Variants in CHD2 observed in about 807,000 individuals in gnomAD.
CHD2 encodes ATP-dependent chromatin remodeler CHD2.
CHD2 carries 28 observed loss-of-function variants against 243.9 expected under a neutral mutation model. The observed-to-expected ratio is 0.11, with a 90% CI of 0.09 to 0.16. The LOEUF (loss-of-function observed/expected upper bound fraction) is 0.16, where lower values mean the gene tolerates loss of function less well. CHD2 is among the 10% of genes least tolerant of loss of function. The probability of loss-of-function intolerance (pLI) is 1.00; values close to 1 mark genes in which losing one functional copy is unlikely to be tolerated. For synonymous variants in CHD2, 775 were observed against 779.0 expected (o/e 0.99, Z 0.09); for missense variants, 1,386 against 2,209.8 (o/e 0.63, Z 7.47).
chr15:93,009,198 T>C lies in CHD2; in HGVS notation c.4467T>C (p.Pro1489=). The C allele has an allele frequency of 6.2e-7, 1 of 1,614,158 alleles. No homozygotes were observed. The highest frequency in any genetic ancestry group is 8.5e-7 in the Non-Finnish European group (1 of 1,180,020). Residue 1489 remains proline, a synonymous_variant, in exon 35 of 39, where the codon CCT becomes CCC. Transcript: ENST00000394196. Reference sequence around the variant, plus strand: ...AGGCACTGAAACAGCTCGACAAACCTGACAAGGGGCTCAACGTGCAAGAAC... The same window carrying C: ...AGGCACTGAAACAGCTCGACAAACCCGACAAGGGGCTCAACGTGCAAGAAC... The part of the protein sequence containing the change: ...VKKALKQLDK[P]DKGLNVQEQL...
intron 37 of CHD2, among the ~76,000 whole-genome samples, chr15:93,019,576 A>T (rs1023946240): frequency 6.6e-6 from 1 of 152,232 alleles, no homozygotes; most frequent in Non-Finnish European, 1.5e-5. Flanking sequence ...AGTAGTGCTT[A>T]CTTCAGCAGC....
rs140718403 is a variant in CHD2 at position 92,924,477 on chromosome 15, C to G, written c.219C>G (p.Ser73=). 5 of 1,613,986 alleles carry G rather than the reference C, an allele frequency of 3.1e-6. No homozygotes were observed. Among genetic ancestry groups the G allele is most frequent in the Non-Finnish European group, 4.2e-6 (5 of 1,180,020 alleles). ...AATCTGAGAGCGAATCAGCAGGTTC[C>G]AAATCCCAGCCAGTCCTCCCAGAAG... is the stretch of plus-strand genomic sequence containing the variant. ...QSESESESAG[S]KSQPVLPEAK... is the part of the protein sequence containing the mutation. Residue 73 remains serine, a synonymous_variant, in exon 3 of 39, where the codon TCC becomes TCG. Coordinates refer to ENST00000394196, the MANE Select transcript of CHD2 (RefSeq NM_001271.4).
chr15:93,021,461 C>T (rs2054534110), intron 38 of CHD2: 4 of 152,110 alleles, frequency 2.6e-5, no homozygotes, highest in Admixed American at 2.6e-4. Flanking sequence ...TCTGATCCCC[C>T]ACTCTCTCTT....
chr15:92,969,688 T>C (rs1360047776), intron 17 of CHD2, among the ~76,000 whole-genome samples: 2 of 152,200 alleles, frequency 1.3e-5, no homozygotes, highest in African/African-American at 2.4e-5. Context: ...TTATTTGATC[T>C]TACTGATCTT....
intron 33 of CHD2, among the ~76,000 whole-genome samples, chr15:93,002,582 A>G (rs755020578): frequency 1.3e-5 from 2 of 152,220 alleles, no homozygotes; most frequent in Admixed American, 6.5e-5. Context: ...TGAATGAGAT[A>G]GGACAGGTGA....
intron 2 of CHD2, among the ~76,000 whole-genome samples, chr15:92,910,453 C>T (rs1484583992): frequency 2.6e-5 from 4 of 151,970 alleles, no homozygotes; most frequent in South Asian, 2.1e-4. Flanking sequence ...AGTGCAGTGG[C>T]GCCGTCTCAG....
chr15:92,958,391 T>G (rs1173757107), intron 16 of CHD2, among the ~76,000 whole-genome samples: 1 of 152,262 alleles, frequency 6.6e-6, no homozygotes, highest in African/African-American at 2.4e-5. Context: ...GCCATTTGTA[T>G]GTCTTTGGTG....
At chr15:92,942,049 A>T in intron 8 of CHD2, 94 bp downstream of exon 8, 2 of 1,212,496 alleles carry the variant, frequency 1.6e-6, no homozygotes, top group South Asian at 2.9e-5. Context: ...ATTTTAGTCT[A>T]CTGCTGTATT....
At chr15:92,954,052 T>C (rs1463816496) in intron 14 of CHD2, 1 of 153,940 alleles carries the variant, frequency 6.5e-6, no homozygotes. Flanking sequence ...AAATAAGAAT[T>C]ATCCTAAACT....
chr15:92,995,935 C>T (rs1017069210), intron 28 of CHD2, among the ~76,000 whole-genome samples: 1 of 152,100 alleles, frequency 6.6e-6, no homozygotes, highest in African/African-American at 2.4e-5. Flanking sequence ...AGGTGAGAAA[C>T]GGTATTTCAT....
chr15:92,986,733 A>C (rs941853791), intron 26 of CHD2, among the ~76,000 whole-genome samples: 3 of 151,986 alleles, frequency 2.0e-5, no homozygotes, highest in Admixed American at 2.0e-4. Flanking sequence ...AGTTGTGGTT[A>C]TTTTGGTAGA....
intron 32 of CHD2, 101 bp from the exon 33 acceptor site, chr15:93,002,076 G>T: frequency 6.9e-7 from 1 of 1,447,808 alleles, no homozygotes; most frequent in Non-Finnish European, 9.2e-7. Flanking sequence ...TCTAAGTATA[G>T]ACAGTGATGA....
At chr15:92,938,340 A>G (rs892426028) in intron 6 of CHD2, among the ~76,000 whole-genome samples, 12 of 152,252 alleles carry the variant, frequency 7.9e-5, no homozygotes, top group African/African-American at 1.7e-4. Flanking sequence ...TATATATTGC[A>G]GTAAATGTAC....
intron 26 of CHD2, among the ~76,000 whole-genome samples, chr15:92,989,011 C>T (rs1393250771): frequency 7.1e-6 from 1 of 141,426 alleles, no homozygotes; most frequent in Non-Finnish European, 1.5e-5. Context: ...CCTATGTATA[C>T]TTCATACTTC....
intron 7 of CHD2, 44 bp downstream of exon 7, chr15:92,939,762 A>C: frequency 6.3e-7 from 1 of 1,586,282 alleles, no homozygotes; most frequent in Non-Finnish European, 8.6e-7. Context: ...GATGTGATAA[A>C]GTAGTTGGTT....
chr15:93,016,944 T>G (rs2054470130), intron 37 of CHD2, among the ~76,000 whole-genome samples: 1 of 151,930 alleles, frequency 6.6e-6, no homozygotes, highest in African/African-American at 2.4e-5. Flanking sequence ...AAGAGAAAAT[T>G]CAAATGGCCA....
chr15:92,930,725 C>T (rs544507446), intron 5 of CHD2, among the ~76,000 whole-genome samples: 2 of 152,308 alleles, frequency 1.3e-5, no homozygotes, highest in South Asian at 2.1e-4. Flanking sequence ...TGCCCCGCCA[C>T]TTATCAGTCT....
intron 34 of CHD2, among the ~76,000 whole-genome samples, chr15:93,005,745 T>C (rs529990007): frequency 6.6e-6 from 1 of 152,330 alleles, no homozygotes; most frequent in South Asian, 2.1e-4. Context: ...AGGACAAGTA[T>C]TGTTTTATAT....
At chr15:92,900,949 G>C (rs1408191492) in intron 1 of CHD2, 125 bp downstream of exon 1, 1 of 458,904 alleles carries the variant, frequency 2.2e-6, no homozygotes, top group Non-Finnish European at 3.8e-6. Flanking sequence ...TGTATCTAGT[G>C]TGCTACTTTG....
Sources: gnomAD v4.1 joint callset for allele counts (sites outside exome capture counted in the v4.1 genomes callset) on GRCh38, gnomAD v4.1.1 for gene constraint, MANE v1.5 for transcripts, NCBI Gene and HGNC (gene_info 2026-07-23, HGNC 2026-07-21) for gene names.